The following FOXP2 variants were observed in gnomAD, a reference collection of about 807,000 sequenced individuals.
FOXP2 encodes forkhead box P2.
In FOXP2, 12 loss-of-function variants were observed where a neutral mutation model predicts 115.8. That is an observed-to-expected ratio of 0.10 (90% CI 0.07 to 0.17). The LOEUF (loss-of-function observed/expected upper bound fraction) is 0.17, where lower values mean the gene tolerates loss of function less well. Ranked by LOEUF, FOXP2 falls within the 10% of genes least tolerant of loss-of-function variation. The probability of loss-of-function intolerance (pLI) is 1.00; values close to 1 mark genes in which losing one functional copy is unlikely to be tolerated. For missense variants in FOXP2, 629 were observed against 843.5 expected, an observed-to-expected ratio of 0.75 and a Z score of 3.15; for synonymous variants, 328 against 297.7, an observed-to-expected ratio of 1.10 and a Z score of -1.05.
At chr7:114,466,183 A>G (rs972503346) in intron 2 of FOXP2, among the ~76,000 whole-genome samples, 4 of 152,140 alleles carry the variant, frequency 2.6e-5, no homozygotes, top group Non-Finnish European at 4.4e-5. Flanking sequence ...GCCACTTTAT[A>G]TTACTGGAAT....
chr7:114,160,335 A>G (rs1168607816), upstream of FOXP2, among the ~76,000 whole-genome samples: 1 of 152,096 alleles, frequency 6.6e-6, no homozygotes, highest in Non-Finnish European at 1.5e-5. Context: ...ATTTTGGGAT[A>G]TTGTTTTCTG....
At chr7:114,095,883 C>G (rs1325776821) in intron 1 of FOXP2, among the ~76,000 whole-genome samples, 1 of 152,184 alleles carries the variant, frequency 6.6e-6, no homozygotes, top group Non-Finnish European at 1.5e-5. Flanking sequence ...ACAACTCCAA[C>G]TGTGGGAATA....
At chr7:114,176,306 C>T (rs868422171) in intron 1 of FOXP2, among the ~76,000 whole-genome samples, 237 of 119,862 alleles carry the variant, frequency 2.0e-3, no homozygotes, top group African/African-American at 0.011. Flanking sequence ...CTTTCTCTCT[C>T]TCTCTCTCTC....
intron 2 of FOXP2, among the ~76,000 whole-genome samples, chr7:114,336,641 T>C (rs1403723175): frequency 6.6e-6 from 1 of 151,658 alleles, no homozygotes; most frequent in Non-Finnish European, 1.5e-5. Flanking sequence ...GTTTGCATAA[T>C]ACTTTTCACA....
At chr7:114,364,098 A>G (rs959144436) in intron 2 of FOXP2, among the ~76,000 whole-genome samples, 2 of 152,108 alleles carry the variant, frequency 1.3e-5, no homozygotes, top group African/African-American at 4.8e-5. Flanking sequence ...TTCCCCTTCA[A>G]TTCTATACTA....
At chr7:114,382,396 C>A (rs1263723326) in intron 2 of FOXP2, among the ~76,000 whole-genome samples, 4 of 152,178 alleles carry the variant, frequency 2.6e-5, no homozygotes, top group Non-Finnish European at 4.4e-5. Flanking sequence ...TCCCCTGGGG[C>A]AGTGGGCCTT....
chr7:114,192,722 T>A (rs1793793396), intron 1 of FOXP2, among the ~76,000 whole-genome samples: 1 of 152,264 alleles, frequency 6.6e-6, no homozygotes, highest in Non-Finnish European at 1.5e-5. Flanking sequence ...GTTCAGTATT[T>A]ACTGCTACAT....
Position 114,337,296 on chromosome 7 carries a change from T to A in FOXP2, c.-11+49187T>A, listed in dbSNP as rs1313450562. On this transcript the variant is annotated intron_variant, in intron 2 of 17. Transcript: ENST00000634411. Reference sequence around the variant, plus strand: ...GTATGTGTGCAGTACGTAGCAGGTATGAATCAAAGTGTGTCAGTGAAAGTT... The same window carrying A: ...GTATGTGTGCAGTACGTAGCAGGTAAGAATCAAAGTGTGTCAGTGAAAGTT... Among the ~76,000 whole-genome samples the A allele has an allele frequency of 2.0e-5, 3 of 151,436 alleles. No homozygotes were observed. In the East Asian group the frequency reaches 5.8e-4, roughly 29 times the overall value.
At chr7:114,255,105 C>T (rs1032079695) in intron 1 of FOXP2, among the ~76,000 whole-genome samples, 6 of 152,116 alleles carry the variant, frequency 3.9e-5, no homozygotes, top group Non-Finnish European at 2.9e-5. Flanking sequence ...TGCAGAACAG[C>T]GAATATTGAT....
chr7:114,209,495 A>G (rs2129161389), intron 1 of FOXP2, among the ~76,000 whole-genome samples: 1 of 152,254 alleles, frequency 6.6e-6, no homozygotes, highest in African/African-American at 2.4e-5. Flanking sequence ...GCTAGCTTGT[A>G]GGGTTTCTAT....
intron 2 of FOXP2, among the ~76,000 whole-genome samples, chr7:114,389,610 T>C (rs1792537904): frequency 6.6e-6 from 1 of 152,174 alleles, no homozygotes; most frequent in Non-Finnish European, 1.5e-5. Flanking sequence ...TCAATCCCCA[T>C]TGTGTCCAAA....
chr7:114,296,938 C>A (rs891876022), intron 2 of FOXP2, among the ~76,000 whole-genome samples: 25 of 152,160 alleles, frequency 1.6e-4, no homozygotes, highest in African/African-American at 6.0e-4. Context: ...AAGATAATTT[C>A]TATCTGTGCC....
chr7:114,595,404 C>T (rs1043261797), intron 3 of FOXP2, among the ~76,000 whole-genome samples: 1 of 151,986 alleles, frequency 6.6e-6, no homozygotes, highest in African/African-American at 2.4e-5. Context: ...GTATCTGTCT[C>T]AGAACTTTCT....
At chr7:114,245,852 T>G (rs955125898) in intron 1 of FOXP2, among the ~76,000 whole-genome samples, 1 of 152,116 alleles carries the variant, frequency 6.6e-6, no homozygotes, top group Non-Finnish European at 1.5e-5. Context: ...AAGTTTTTTT[T>G]CCTTGCGTAT....
At chr7:114,271,146 G>C (rs1358989855) in intron 1 of FOXP2, among the ~76,000 whole-genome samples, 1 of 151,862 alleles carries the variant, frequency 6.6e-6, no homozygotes, top group Non-Finnish European at 1.5e-5. Flanking sequence ...TCACCTTGCT[G>C]TAATTACTTA....
intron 1 of FOXP2, among the ~76,000 whole-genome samples, chr7:114,185,421 T>C (rs1161657177): frequency 1.3e-5 from 2 of 152,150 alleles, no homozygotes; most frequent in Non-Finnish European, 2.9e-5. Context: ...TTTGTAAAAA[T>C]GGGATAAAAA....
chr7:114,498,791 T>G (rs1797436526), intron 2 of FOXP2: 1 of 709,164 alleles, frequency 1.4e-6, no homozygotes, highest in African/African-American at 1.8e-5. Flanking sequence ...TGCAAATAAT[T>G]TTTTTGGGGG....
At chr7:114,598,327 T>C (rs376436611) in intron 3 of FOXP2, among the ~76,000 whole-genome samples, 3 of 151,618 alleles carry the variant, frequency 2.0e-5, no homozygotes, top group East Asian at 3.9e-4. Flanking sequence ...AATGTGGTGC[T>C]TTTTTCCCTA....
chr7:114,568,743 T>C (rs1801146115), intron 3 of FOXP2, among the ~76,000 whole-genome samples: 1 of 151,874 alleles, frequency 6.6e-6, no homozygotes, highest in African/African-American at 2.4e-5. Context: ...GATGTTTATG[T>C]TTAAGGGATC....
Sources: gnomAD v4.1 joint callset for allele counts (sites outside exome capture counted in the v4.1 genomes callset) on GRCh38, gnomAD v4.1.1 for gene constraint, MANE v1.5 for transcripts, NCBI Gene and HGNC (gene_info 2026-07-23, HGNC 2026-07-21) for gene names.